The following GRAMD2B variants were observed in gnomAD, a reference collection of about 807,000 sequenced individuals.
GRAMD2B encodes GRAM domain containing 2B, also known as GRAM domain-containing protein 2B.
Under a neutral mutation model 59.2 loss-of-function variants are expected in GRAMD2B, and 41 were observed. The ratio of observed to expected loss-of-function variants is 0.69; its 90% CI spans 0.54 to 0.90. The LOEUF (loss-of-function observed/expected upper bound fraction) is 0.90. Ranked by LOEUF, GRAMD2B falls within the 40% of genes least tolerant of loss-of-function variation. The pLI is 0.00. For missense variants in GRAMD2B, 424 were observed against 500.5 expected (o/e 0.85, Z 1.46); for synonymous variants, 161 against 182.7 (o/e 0.88, Z 0.96).
chr5:126,368,449 G>T (rs1021663399), upstream of GRAMD2B, among the ~76,000 whole-genome samples: 3 of 152,188 alleles, frequency 2.0e-5, no homozygotes, highest in African/African-American at 7.2e-5. Flanking sequence ...TAAACATAAA[G>T]TCCAGCTATA....
intron 1 of GRAMD2B, among the ~76,000 whole-genome samples, chr5:126,436,259 A>T (rs188750014): frequency 1.6e-3 from 240 of 152,328 alleles, no homozygotes; most frequent in Non-Finnish European, 1.6e-3. Flanking sequence ...TATTTACATA[A>T]TAATTGAATT....
At chr5:126,414,122 T>C (rs1759066229) in intron 1 of GRAMD2B, among the ~76,000 whole-genome samples, 1 of 152,232 alleles carries the variant, frequency 6.6e-6, no homozygotes, top group African/African-American at 2.4e-5. Context: ...GTAAATACTG[T>C]AGGACCACCT....
intron 1 of GRAMD2B, among the ~76,000 whole-genome samples, chr5:126,400,097 C>G (rs766653987): frequency 1.3e-5 from 2 of 151,210 alleles, no homozygotes; most frequent in Non-Finnish European, 2.9e-5. Flanking sequence ...TGAATCCTCT[C>G]TCTTTATCTT....
At chr5:126,443,392 G>T (rs1249047581) in intron 1 of GRAMD2B, among the ~76,000 whole-genome samples, 1 of 152,280 alleles carries the variant, frequency 6.6e-6, no homozygotes, top group South Asian at 2.1e-4. Context: ...AAATTCTTCA[G>T]CCTTATTTAT....
chr5:126,489,012 C>A, intron 13 of GRAMD2B, 120 bp downstream of exon 13: 1 of 604,284 alleles, frequency 1.7e-6, no homozygotes, highest in Non-Finnish European at 3.0e-6. Flanking sequence ...CCTACATGAT[C>A]AACCCTGGCT....
At chr5:126,448,403 G>T (rs1764741091) in intron 1 of GRAMD2B, among the ~76,000 whole-genome samples, 1 of 151,946 alleles carries the variant, frequency 6.6e-6, no homozygotes, top group African/African-American at 2.4e-5. Context: ...ATGACAAGAG[G>T]TTCAAAGCCA....
intron 8 of GRAMD2B, chr5:126,480,916 AAAAG>A (rs1771610731): frequency 8.6e-6 from 5 of 584,422 alleles, no homozygotes; most frequent in African/African-American, 5.6e-5. Context: ...TTGTCCTGCA[AAAAG>A]AAAGAAACAC....
Position 126,469,798 on chromosome 5 carries a change from G to A in GRAMD2B, c.315+10G>A. The A allele has an allele frequency of 1.3e-6, 2 of 1,591,586 alleles. No homozygotes were observed. The highest frequency in any genetic ancestry group is 1.7e-6 in the Non-Finnish European group (2 of 1,160,472). The stretch of plus-strand genomic sequence containing the variant: ...TTCATCTTCCAGCCAGGTAATTTGA[G>A]AATGGAATTTGTATTGTCTTAGAGG... On this transcript the variant is annotated intron_variant, in intron 3 of 13. Transcript: ENST00000285689.
chr5:126,450,888 C>A (rs896268431), intron 1 of GRAMD2B, among the ~76,000 whole-genome samples: 4 of 152,146 alleles, frequency 2.6e-5, no homozygotes, highest in Non-Finnish European at 4.4e-5. Context: ...GCCTACATAC[C>A]CAGGCAGAAG....
chr5:126,391,866 G>A (rs551136444), intron 1 of GRAMD2B, among the ~76,000 whole-genome samples: 19 of 152,164 alleles, frequency 1.2e-4, no homozygotes, highest in African/African-American at 3.9e-4. Flanking sequence ...AAAATCACCC[G>A]AATTTTACCC....
At chr5:126,484,194 T>C (rs1476061117) in intron 9 of GRAMD2B, among the ~76,000 whole-genome samples, 1 of 152,238 alleles carries the variant, frequency 6.6e-6, no homozygotes, top group Non-Finnish European at 1.5e-5. Context: ...GTGAGTTGGT[T>C]GGAAAATGAA....
Position 126,480,677 on chromosome 5 carries a change from C to A in GRAMD2B, c.705C>A (p.Phe235Leu). The A allele has an allele frequency of 1.9e-6, 3 of 1,614,130 alleles. No individual in the cohort carries two copies. The highest frequency in any genetic ancestry group is 2.5e-6 in the Non-Finnish European group (3 of 1,179,986). Residue 235 changes from phenylalanine (F) to leucine (L), a missense_variant, in exon 8 of 14, where the codon TTC (phenylalanine) becomes TTA (leucine). Physicochemically the swap from Phe to Leu is conservative, Grantham distance 22. Transcript: ENST00000285689. The stretch of plus-strand genomic sequence containing the variant: ...ATCCATCTTCTGCTGAAAACAGTTT[C>A]CGAGCAGACCGCCCTTCATCTCTGC... ...SPNPSSAENS[F>L]RADRPSSLPL...
intron 2 of GRAMD2B, 95 bp downstream of exon 2, chr5:126,465,640 A>G: frequency 9.4e-7 from 1 of 1,059,392 alleles, no homozygotes; most frequent in Non-Finnish European, 1.4e-6. Context: ...GTGAGGATGT[A>G]TTAATACTAT....
intron 4 of GRAMD2B, among the ~76,000 whole-genome samples, chr5:126,472,982 C>G (rs1451363724): frequency 6.6e-6 from 1 of 152,184 alleles, no homozygotes; most frequent in Non-Finnish European, 1.5e-5. Flanking sequence ...ACACACCAGG[C>G]TAAATAGAGG....
chr5:126,447,618 C>A (rs560181178), intron 1 of GRAMD2B, among the ~76,000 whole-genome samples: 2 of 148,560 alleles, frequency 1.3e-5, no homozygotes, highest in Non-Finnish European at 3.0e-5. Flanking sequence ...GAGCCGAGAT[C>A]GTGCCACTGC....
At chr5:126,470,291 G>C (rs777000445) in intron 3 of GRAMD2B, among the ~76,000 whole-genome samples, 3 of 152,176 alleles carry the variant, frequency 2.0e-5, no homozygotes, top group Non-Finnish European at 4.4e-5. Flanking sequence ...TGTCATCAGA[G>C]AGTGTGATGC....
chr5:126,397,023 G>T (rs1011554162), intron 1 of GRAMD2B, among the ~76,000 whole-genome samples: 2 of 151,704 alleles, frequency 1.3e-5, no homozygotes, highest in Non-Finnish European at 2.9e-5. Flanking sequence ...TAATGGGGTT[G>T]TTTGTTTGTT....
chr5:126,461,598 G>A (rs913317018), intron 1 of GRAMD2B, among the ~76,000 whole-genome samples: 43 of 152,178 alleles, frequency 2.8e-4, no homozygotes, highest in Admixed American at 2.2e-3. Context: ...CCAGGAGTTC[G>A]AGACCAGCCT....
chr5:126,485,675 C>T lies in GRAMD2B; in HGVS notation c.971-11C>T. On this transcript the variant is annotated splice_polypyrimidine_tract_variant and intron_variant, in intron 10 of 13. Transcript: ENST00000285689. ...GTTTTAAACAGTTGTTTTTTGTTTT[C>T]CTCCCAACAGGTCTGTCAGAAACTG... The T allele has an allele frequency of 1.3e-6, 2 of 1,588,408 alleles. No homozygotes were observed. Among genetic ancestry groups the T allele is most frequent in the Non-Finnish European group, 1.7e-6 (2 of 1,160,662 alleles).
Sources: gnomAD v4.1 joint callset for allele counts (sites outside exome capture counted in the v4.1 genomes callset) on GRCh38, gnomAD v4.1.1 for gene constraint, MANE v1.5 for transcripts, NCBI Gene and HGNC (gene_info 2026-07-23, HGNC 2026-07-21) for gene names.